The following PKHD1 variants were observed in gnomAD, a reference collection of about 807,000 sequenced individuals.
PKHD1 encodes fibrocystin.
In PKHD1, 291 loss-of-function variants were observed where a neutral mutation model predicts 412.0. The observed-to-expected ratio is 0.71, with a 90% CI of 0.64 to 0.78. The LOEUF is 0.78. Ranked by LOEUF, PKHD1 falls within the 30% of genes least tolerant of loss-of-function variation. The pLI, the probability that PKHD1 is intolerant of heterozygous loss-of-function variation, is 0.00. For missense variants in PKHD1, 4,825 were observed against 4,950.7 expected (o/e 0.97, Z 0.76); for synonymous variants, 1,777 against 1,821.5 (o/e 0.98, Z 0.62).
intron 64 of PKHD1, among the ~76,000 whole-genome samples, chr6:51,637,448 A>G (rs1368935263): frequency 1.3e-5 from 2 of 152,240 alleles, no homozygotes; most frequent in African/African-American, 4.8e-5. Context: ...TGTGACTCTC[A>G]TGAAAACATA....
intron 60 of PKHD1, among the ~76,000 whole-genome samples, chr6:51,702,395 G>A (rs182764491): frequency 2.1e-3 from 317 of 151,494 alleles, no homozygotes; most frequent in African/African-American, 7.2e-3. Flanking sequence ...ATGCAAAGGC[G>A]TAAGAATTAA....
At chr6:52,016,972 T>G (rs1800639873) in intron 34 of PKHD1, among the ~76,000 whole-genome samples, 1 of 152,232 alleles carries the variant, frequency 6.6e-6, no homozygotes, top group Admixed American at 6.5e-5. Flanking sequence ...CAACCCTCCT[T>G]CTTTTGAATA....
intron 43 of PKHD1, among the ~76,000 whole-genome samples, chr6:51,895,656 C>T (rs12206267): frequency 0.12 from 17,850 of 151,994 alleles, 1,349 homozygotes; most frequent in Non-Finnish European, 0.18. Flanking sequence ...TTAAGGTCAC[C>T]GGAGGAGCCA....
intron 51 of PKHD1, among the ~76,000 whole-genome samples, chr6:51,831,791 G>A (rs762578950): frequency 1.3e-5 from 2 of 152,034 alleles, no homozygotes; most frequent in African/African-American, 2.4e-5. Context: ...ATCGTCAAAC[G>A]GCATTTTCTT....
At chr6:51,628,112 T>G (rs146289503) in intron 65 of PKHD1, among the ~76,000 whole-genome samples, 1 of 152,178 alleles carries the variant, frequency 6.6e-6, no homozygotes, top group Non-Finnish European at 1.5e-5. Context: ...GGGGTACATG[T>G]ACAGGTTTGT....
intron 60 of PKHD1, among the ~76,000 whole-genome samples, chr6:51,702,455 T>C (rs1779564407): frequency 6.6e-6 from 1 of 151,674 alleles, no homozygotes; most frequent in South Asian, 2.1e-4. Flanking sequence ...AGGTGAAAGA[T>C]AAAAGACTAC....
At chr6:51,989,912 G>A (rs1260075696) in intron 35 of PKHD1, among the ~76,000 whole-genome samples, 5 of 96,872 alleles carry the variant, frequency 5.2e-5, no homozygotes, top group African/African-American at 1.2e-4. Flanking sequence ...AGGAAGGAAG[G>A]AAGGAAGGAA....
rs185280017 is a variant in PKHD1 at position 51,967,441 on chromosome 6, C to A, written c.5752-7415G>T. 4.5e-4 allele frequency among the ~76,000 whole-genome samples: 68 copies of A among 152,132 alleles called. 1 individual carries two copies. The highest frequency in any genetic ancestry group is 1.6e-3 in the African/African-American group (65 of 41,502). ...TATAGTACATCAGTATTAAAACATG[C>A]GCAAAATGGAACTTTCTGTAATTGA... is the stretch of plus-strand genomic sequence containing the variant. On this transcript the variant is annotated intron_variant, in intron 35 of 66. Transcript: ENST00000371117.
intron 53 of PKHD1, among the ~76,000 whole-genome samples, chr6:51,788,066 T>A (rs6918486): frequency 0.14 from 21,872 of 151,920 alleles, 1,715 homozygotes; most frequent in African/African-American, 0.21. Flanking sequence ...CTGAAATAAT[T>A]AAATGAAGGG....
intron 35 of PKHD1, among the ~76,000 whole-genome samples, chr6:51,971,514 CCTTT>C (rs1446652653): frequency 6.6e-6 from 1 of 152,082 alleles, no homozygotes; most frequent in Non-Finnish European, 1.5e-5. Context: ...CTGATGCAGA[CCTTT>C]CTTTTGCTCA....
At chr6:51,662,411 A>G (rs1446947354) in intron 60 of PKHD1, among the ~76,000 whole-genome samples, 1 of 151,944 alleles carries the variant, frequency 6.6e-6, no homozygotes, top group Admixed American at 6.6e-5. Context: ...TTCGCAATGT[A>G]TATGTGTATC....
At chr6:51,681,964 A>G (rs1776728772) in intron 60 of PKHD1, among the ~76,000 whole-genome samples, 1 of 152,130 alleles carries the variant, frequency 6.6e-6, no homozygotes. Context: ...CTCTTGAGAC[A>G]GTGACCAGAA....
intron 12 of PKHD1, among the ~76,000 whole-genome samples, 198 bp downstream of exon 12, chr6:52,065,778 A>G (rs987051700): frequency 2.0e-5 from 3 of 152,310 alleles, no homozygotes; most frequent in Non-Finnish European, 2.9e-5. Flanking sequence ...GTGTGTCTGC[A>G]GGACATTCCA....
intron 31 of PKHD1, among the ~76,000 whole-genome samples, chr6:52,027,450 T>A (rs1802367275): frequency 6.8e-6 from 1 of 146,972 alleles, no homozygotes; most frequent in African/African-American, 2.5e-5. Flanking sequence ...GATAATTACT[T>A]GAACCCGGGA....
At chr6:52,058,253 A>T in intron 16 of PKHD1, 70 bp downstream of exon 16, 1 of 1,519,736 alleles carries the variant, frequency 6.6e-7, no homozygotes, top group Non-Finnish European at 9.1e-7. Context: ...ACTCCCAGTC[A>T]GTGCTCCTGC....
intron 50 of PKHD1, among the ~76,000 whole-genome samples, chr6:51,838,510 C>G (rs896081417): frequency 2.0e-5 from 3 of 152,200 alleles, no homozygotes; most frequent in African/African-American, 7.2e-5. Context: ...ATCTGTTGCT[C>G]ACTTCATTAA....
At chr6:51,767,276 T>A (rs759457528) in intron 55 of PKHD1, among the ~76,000 whole-genome samples, 2 of 152,108 alleles carry the variant, frequency 1.3e-5, no homozygotes, top group Admixed American at 6.6e-5. Flanking sequence ...TTATTATATT[T>A]AGTTACATTT....
At chr6:51,691,860 G>A (rs1028323224) in intron 60 of PKHD1, among the ~76,000 whole-genome samples, 3 of 152,104 alleles carry the variant, frequency 2.0e-5, no homozygotes, top group African/African-American at 7.2e-5. Context: ...GTGCCTTTCA[G>A]CATTCACCAC....
intron 36 of PKHD1, among the ~76,000 whole-genome samples, chr6:51,958,956 A>G (rs1233691224): frequency 1.3e-5 from 2 of 152,136 alleles, no homozygotes; most frequent in Non-Finnish European, 2.9e-5. Context: ...AGAGAAAAAA[A>G]ACAGCTTCCA....
Sources: gnomAD v4.1 joint callset for allele counts (sites outside exome capture counted in the v4.1 genomes callset) on GRCh38, gnomAD v4.1.1 for gene constraint, MANE v1.5 for transcripts, NCBI Gene and HGNC (gene_info 2026-07-23, HGNC 2026-07-21) for gene names.